CCBE1: variants seen among roughly 807,000 people sequenced by gnomAD.
The protein encoded by CCBE1 is collagen and calcium-binding EGF domain-containing protein 1.
In CCBE1, 37 loss-of-function variants were observed where a neutral mutation model predicts 50.0. The observed-to-expected ratio is 0.74, with a 90% CI of 0.57 to 0.97. The LOEUF (loss-of-function observed/expected upper bound fraction) is 0.97, where lower values mean the gene tolerates loss of function less well. Among genes scored for constraint, CCBE1 ranks in the 50% least tolerant of loss-of-function variants. CCBE1 has a pLI of 0.00. For missense variants in CCBE1, 538 were observed against 523.8 expected, an observed-to-expected ratio of 1.03 and a Z score of -0.26; for synonymous variants, 234 against 203.7, an observed-to-expected ratio of 1.15 and a Z score of -1.27.
At chr18:59,489,730 G>T (rs1913001696) in intron 2 of CCBE1, among the ~76,000 whole-genome samples, 1 of 151,736 alleles carries the variant, frequency 6.6e-6, no homozygotes, top group Non-Finnish European at 1.5e-5. Context: ...ACTTTCTCTT[G>T]GCAACTAAGT....
intron 2 of CCBE1, among the ~76,000 whole-genome samples, chr18:59,650,272 C>CA (rs149789567): frequency 0.01 from 1,544 of 151,306 alleles, 16 homozygotes; most frequent in African/African-American, 0.034. Context: ...TGCCCAGATA[C>CA]AAAGTCAGGT....
intron 2 of CCBE1, among the ~76,000 whole-genome samples, chr18:59,516,719 T>TGAGACTTC (rs1914390342): frequency 2.0e-5 from 3 of 152,190 alleles, no homozygotes; most frequent in African/African-American, 7.2e-5. Flanking sequence ...CAACATGACC[T>TGAGACTTC]AGTTCCTGAG....
intron 2 of CCBE1, chr18:59,688,131 A>G (rs774681831): frequency 6.6e-6 from 1 of 152,172 alleles, no homozygotes; most frequent in Non-Finnish European, 1.5e-5. Flanking sequence ...AATATATGCT[A>G]TCATTTGATC....
intron 3 of CCBE1, among the ~76,000 whole-genome samples, chr18:59,474,443 C>T (rs1456919257): frequency 6.6e-6 from 1 of 152,192 alleles, no homozygotes; most frequent in African/African-American, 2.4e-5. Flanking sequence ...AAGACCTTTT[C>T]CTTGGGTTGT....
chr18:59,644,134 T>C (rs978303582), intron 2 of CCBE1, among the ~76,000 whole-genome samples: 2 of 152,198 alleles, frequency 1.3e-5, no homozygotes, highest in East Asian at 3.9e-4. Flanking sequence ...TCATGAGGCA[T>C]TTATTAGATT....
chr18:59,604,024 T>A (rs867026465), intron 2 of CCBE1, among the ~76,000 whole-genome samples: 17 of 152,182 alleles, frequency 1.1e-4, no homozygotes, highest in African/African-American at 3.1e-4. Flanking sequence ...CTACTTTTTT[T>A]AAAAAATGAG....
chr18:59,679,060 G>A (rs2054549468), intron 2 of CCBE1, among the ~76,000 whole-genome samples: 1 of 152,094 alleles, frequency 6.6e-6, no homozygotes, highest in Non-Finnish European at 1.5e-5. Flanking sequence ...TATTATCTTT[G>A]GAGTCAAATG....
intron 2 of CCBE1, among the ~76,000 whole-genome samples, chr18:59,538,921 T>A (rs1915355659): frequency 2.0e-5 from 3 of 152,202 alleles, no homozygotes; most frequent in Admixed American, 2.0e-4. Flanking sequence ...CTCCCACCTG[T>A]AATCCCAGCA....
At chr18:59,461,247 C>T (rs1480767188) in intron 5 of CCBE1, among the ~76,000 whole-genome samples, 2 of 151,552 alleles carry the variant, frequency 1.3e-5, no homozygotes, top group East Asian at 3.9e-4. Flanking sequence ...AAATGATCCC[C>T]TTCCCCGCCA....
At chr18:59,521,597 T>C (rs1239038199) in intron 2 of CCBE1, among the ~76,000 whole-genome samples, 2 of 152,220 alleles carry the variant, frequency 1.3e-5, no homozygotes, top group East Asian at 1.9e-4. Context: ...CTGCCAGCCA[T>C]AGATTTTCCT....
intron 2 of CCBE1, among the ~76,000 whole-genome samples, chr18:59,589,486 A>G (rs1243481906): frequency 1.3e-5 from 2 of 152,146 alleles, no homozygotes; most frequent in African/African-American, 4.8e-5. Context: ...AACAGAATAC[A>G]ATCTCATTAA....
chr18:59,543,380 C>T (rs921566984), intron 2 of CCBE1, among the ~76,000 whole-genome samples: 9 of 152,074 alleles, frequency 5.9e-5, no homozygotes, highest in Non-Finnish European at 1.0e-4. Flanking sequence ...GTTTTCCTCC[C>T]AGAAAAAGAC....
chr18:59,505,606 CTG>C (rs1364342139), intron 2 of CCBE1, among the ~76,000 whole-genome samples: 4 of 152,202 alleles, frequency 2.6e-5, no homozygotes, highest in East Asian at 1.9e-4. Flanking sequence ...ACTTTTCTTA[CTG>C]TGTTACACAA....
chr18:59,577,988 G>T (rs560477483), intron 2 of CCBE1, among the ~76,000 whole-genome samples: 2 of 152,276 alleles, frequency 1.3e-5, no homozygotes, highest in Admixed American at 6.5e-5. Context: ...AAGAGCTTCT[G>T]CACAGCAAAG....
At chr18:59,613,866 T>G (rs796453018) in intron 2 of CCBE1, among the ~76,000 whole-genome samples, 3 of 101,310 alleles carry the variant, frequency 3.0e-5, no homozygotes, top group African/African-American at 1.2e-4. Context: ...CTGATGGGTT[T>G]TTTTTTTTTT....
At chr18:59,506,083 G>T (rs565811099) in intron 2 of CCBE1, among the ~76,000 whole-genome samples, 7 of 152,212 alleles carry the variant, frequency 4.6e-5, no homozygotes, top group Non-Finnish European at 1.0e-4. Context: ...CGTCTTTGAA[G>T]ATGTAAATAA....
intron 2 of CCBE1, among the ~76,000 whole-genome samples, chr18:59,490,387 C>CCTTT (rs371004472): frequency 7.1e-6 from 1 of 141,794 alleles, no homozygotes; most frequent in African/African-American, 2.6e-5. Context: ...GATATTCCCC[C>CCTTT]TTTTTTTTTT....
At chr18:59,588,920 C>A (rs2053217603) in intron 2 of CCBE1, among the ~76,000 whole-genome samples, 1 of 152,196 alleles carries the variant, frequency 6.6e-6, no homozygotes, top group South Asian at 2.1e-4. Flanking sequence ...AGGAACCATC[C>A]CATGCACAAC....
At chr18:59,631,149 C>A (rs543562349) in intron 2 of CCBE1, among the ~76,000 whole-genome samples, 1 of 151,660 alleles carries the variant, frequency 6.6e-6, no homozygotes, top group Non-Finnish European at 1.5e-5. Flanking sequence ...CTCAGCATGG[C>A]AGTTGTTCAA....
Sources: allele counts gnomAD v4.1 joint callset (sites outside exome capture counted in the v4.1 genomes callset), GRCh38; gene constraint gnomAD v4.1.1; transcripts MANE v1.5; gene names NCBI Gene and HGNC (gene_info 2026-07-23, HGNC 2026-07-21).